The following EYA4 variants were observed in gnomAD, a reference collection of about 807,000 sequenced individuals.
EYA4 encodes EYA transcriptional coactivator and phosphatase 4.
A neutral mutation model predicts 87.9 loss-of-function variants in EYA4; 31 were observed. The observed-to-expected ratio is 0.35, with a 90% confidence interval of 0.27 to 0.48. The LOEUF (loss-of-function observed/expected upper bound fraction) is 0.48, where lower values mean the gene tolerates loss of function less well. Among genes scored for constraint, EYA4 ranks in the 20% least tolerant of loss-of-function variants. The probability of loss-of-function intolerance (pLI) is 0.99; values close to 1 mark genes in which losing one functional copy is unlikely to be tolerated. For missense variants in EYA4, 678 were observed against 761.4 expected (o/e 0.89, Z 1.29); for synonymous variants, 263 against 270.6 (o/e 0.97, Z 0.28).
At chr6:133,295,256 A>G (rs997456735) in intron 2 of EYA4, among the ~76,000 whole-genome samples, 1 of 152,220 alleles carries the variant, frequency 6.6e-6, no homozygotes, top group Non-Finnish European at 1.5e-5. Context: ...GTGCTCCCCT[A>G]GAGTGGTGAT....
intron 3 of EYA4, among the ~76,000 whole-genome samples, chr6:133,439,049 CAAAAAAAAAA>C (rs56261819): frequency 4.7e-5 from 3 of 64,034 alleles, no homozygotes; most frequent in African/African-American, 6.6e-5. Flanking sequence ...GACTCCGTCT[CAAAAAAAAAA>C]AAAAAAAAAA....
intron 2 of EYA4, among the ~76,000 whole-genome samples, chr6:133,306,878 A>G (rs761157649): frequency 4.6e-5 from 7 of 152,216 alleles, no homozygotes; most frequent in Admixed American, 6.5e-5. Context: ...TATTTAATCC[A>G]TACTTCCCAG....
chr6:133,268,057 G>A (rs748115319), intron 1 of EYA4, among the ~76,000 whole-genome samples: 16 of 151,848 alleles, frequency 1.1e-4, no homozygotes, highest in Non-Finnish European at 5.9e-5. Context: ...CAAAAAACAT[G>A]TACTTATTGC....
rs1003694448 is a variant in EYA4, at chr6:133,529,780, T to C, written c.*975T>C. The C allele has an allele frequency of 8.6e-5, 85 of 984,806 alleles. No homozygotes were observed. The African/African-American group carries it at 1.4e-3, about 16-fold the overall frequency. The allele number at this position is 984,806 out of a possible 1,614,324, so 61.0% of individuals were successfully genotyped here. On this transcript the variant is annotated 3_prime_UTR_variant, in exon 20 of 20. Coordinates refer to ENST00000355286, the MANE Select transcript of EYA4 (RefSeq NM_004100.5). ...TGGGACCTTTACTTAGAAAGTGAAA[T>C]GTATGTAGAAGTCTCAAGTACCCCT...
At chr6:133,366,472 G>A (rs1784860599) in intron 2 of EYA4, among the ~76,000 whole-genome samples, 1 of 152,140 alleles carries the variant, frequency 6.6e-6, no homozygotes, top group African/African-American at 2.4e-5. Flanking sequence ...GAATTATCCA[G>A]TAGAGTTTGA....
At chr6:133,354,331 G>GTTA (rs368557389) in intron 2 of EYA4, among the ~76,000 whole-genome samples, 108 of 151,882 alleles carry the variant, frequency 7.1e-4, no homozygotes, top group Middle Eastern at 3.4e-3. Flanking sequence ...AATAGTTACT[G>GTTA]TTATTATTAT....
At chr6:133,268,680 A>G (rs181288957) in intron 1 of EYA4, among the ~76,000 whole-genome samples, 1 of 152,210 alleles carries the variant, frequency 6.6e-6, no homozygotes, top group East Asian at 1.9e-4. Flanking sequence ...GGGCCAGGGG[A>G]CAGTTCACAG....
At chr6:133,403,357 T>C (rs1788424935) in intron 3 of EYA4, among the ~76,000 whole-genome samples, 1 of 152,200 alleles carries the variant, frequency 6.6e-6, no homozygotes, top group African/African-American at 2.4e-5. Context: ...CTTGCTTTAT[T>C]GATATTTTTC....
At chr6:133,375,551 T>A (rs1230931407) in intron 2 of EYA4, among the ~76,000 whole-genome samples, 1 of 151,900 alleles carries the variant, frequency 6.6e-6, no homozygotes, top group Non-Finnish European at 1.5e-5. Flanking sequence ...AAGGATATAT[T>A]TTAATTCATA....
chr6:133,269,451 T>C (rs777250136), intron 1 of EYA4, among the ~76,000 whole-genome samples: 14 of 152,196 alleles, frequency 9.2e-5, no homozygotes, highest in Non-Finnish European at 1.8e-4. Flanking sequence ...TCACATTATA[T>C]ACATGTGTTA....
chr6:133,460,982 G>GT, intron 6 of EYA4, 132 bp from the exon 7 acceptor site: 1 of 731,286 alleles, frequency 1.4e-6, no homozygotes, highest in Non-Finnish European at 2.5e-6. Flanking sequence ...TTAGGCAGCT[G>GT]TTTCCTTTTA....
At chr6:133,413,487 G>T (rs139224737) in intron 3 of EYA4, among the ~76,000 whole-genome samples, 1 of 149,806 alleles carries the variant, frequency 6.7e-6, no homozygotes, top group Non-Finnish European at 1.5e-5. Context: ...CACTATTGAC[G>T]TGTTAACTAC....
chr6:133,525,246 G>C lies in EYA4; in HGVS notation c.1831G>C (p.Ala611Pro). 1 of 1,612,586 alleles carries C rather than the reference G, an allele frequency of 6.2e-7. No homozygotes were observed. Among genetic ancestry groups the C allele is most frequent in the South Asian group, 1.1e-5 (1 of 91,048 alleles). Reference protein sequence around the residue: ...IGDGVEEEQAAKKHNMPFWRI... With the variant: ...IGDGVEEEQAPKKHNMPFWRI... ...GGATGGTGTAGAAGAAGAACAGGCA[G>C]CAAAAAAGGTAACCTGTCTCAAACA... Residue 611 changes from alanine (A) to proline (P), a missense_variant, in exon 19 of 20, where the codon GCA (alanine) becomes CCA (proline). By Grantham distance (27) the Ala-to-Pro change is conservative. Transcript: ENST00000355286.
chr6:133,379,858 A>G (rs1390303190), intron 2 of EYA4, among the ~76,000 whole-genome samples: 3 of 151,958 alleles, frequency 2.0e-5, no homozygotes, highest in Non-Finnish European at 2.9e-5. Context: ...TCCCCCTTCC[A>G]CATTACCTTC....
At chr6:133,518,534 G>A (rs999910940) in intron 17 of EYA4, among the ~76,000 whole-genome samples, 2 of 152,164 alleles carry the variant, frequency 1.3e-5, no homozygotes, top group African/African-American at 4.8e-5. Context: ...GTTGAATTAT[G>A]TAGTAGAACC....
chr6:133,457,601 G>A (rs1480777474), intron 6 of EYA4, among the ~76,000 whole-genome samples: 1 of 151,978 alleles, frequency 6.6e-6, no homozygotes, highest in Admixed American at 6.6e-5. Flanking sequence ...AGTTCACACC[G>A]ATTAGAAGCA....
intron 1 of EYA4, among the ~76,000 whole-genome samples, chr6:133,243,767 G>A (rs1774182162): frequency 6.6e-6 from 1 of 151,528 alleles, no homozygotes; most frequent in African/African-American, 2.4e-5. Context: ...TACGTGATAC[G>A]GAGCGTTTTA....
intron 2 of EYA4, among the ~76,000 whole-genome samples, chr6:133,357,134 C>A (rs1436726628): frequency 1.5e-4 from 22 of 151,342 alleles, no homozygotes; most frequent in Admixed American, 2.0e-4. Flanking sequence ...AGCCGGGCTT[C>A]GTGGCGGGCG....
At chr6:133,456,693 A>T (rs765815972) in intron 6 of EYA4, 45 bp downstream of exon 6, 1 of 1,129,636 alleles carries the variant, frequency 8.9e-7, no homozygotes, top group Non-Finnish European at 1.4e-6. Flanking sequence ...ATGGGGGTGC[A>T]TCCACATCCT....
Sources: gnomAD v4.1 joint callset for allele counts (sites outside exome capture counted in the v4.1 genomes callset) on GRCh38, gnomAD v4.1.1 for gene constraint, MANE v1.5 for transcripts, NCBI Gene and HGNC (gene_info 2026-07-23, HGNC 2026-07-21) for gene names.